The following RANGAP1 variants were observed in gnomAD, a reference collection of about 807,000 sequenced individuals.
RANGAP1 encodes ran GTPase-activating protein 1.
Under a neutral mutation model 63.5 loss-of-function variants are expected in RANGAP1, and 38 were observed. That is an observed-to-expected ratio of 0.60 (90% CI 0.46 to 0.78). The LOEUF (loss-of-function observed/expected upper bound fraction) is 0.78. Ranked by LOEUF, RANGAP1 falls within the 30% of genes least tolerant of loss-of-function variation. The pLI is 0.00. For synonymous variants in RANGAP1, 329 were observed against 310.5 expected, an observed-to-expected ratio of 1.06 and a Z score of -0.63; for missense variants, 630 against 740.3, an observed-to-expected ratio of 0.85 and a Z score of 1.73.
chr22:41,251,140 T>A, intron 12 of RANGAP1, 31 bp from the exon 13 acceptor site: 1 of 1,574,144 alleles, frequency 6.4e-7, no homozygotes, highest in Non-Finnish European at 8.7e-7. Flanking sequence ...GGTTGGCCTG[T>A]GGCACGTGGT....
In RANGAP1 at chr22:41,257,798, T is replaced by C. The variant is rs375159398; in HGVS notation, c.774+150A>G. 134 of 972,454 alleles carry C rather than the reference T, an allele frequency of 1.4e-4. 1 individual carries two copies. In the East Asian group the frequency reaches 2.5e-3, roughly 18 times the overall value. 60.2% of individuals were successfully genotyped at this position (972,454 alleles called of 1,614,324 possible). A position where few individuals can be genotyped will look rare whatever the true frequency, so the allele number is the denominator to read the frequency against. On this transcript the variant is annotated intron_variant, in intron 7 of 15. Transcript: ENST00000356244. This position sits in a 1 kb window ranked among gnomAD's most constrained non-coding sequence, Gnocchi z 4.0. ...GGGACCTGCAACCCTGTTCAGGACATGTTCAAAGAGCTGGAGCCATGGGGC... is the reference window on the plus strand; with the variant it reads ...GGGACCTGCAACCCTGTTCAGGACACGTTCAAAGAGCTGGAGCCATGGGGC...
At chr22:41,259,862 T>C (rs1030189907) in intron 6 of RANGAP1, among the ~76,000 whole-genome samples, 1 of 152,060 alleles carries the variant, frequency 6.6e-6, no homozygotes, top group African/African-American at 2.4e-5. Flanking sequence ...ATTAACTGGG[T>C]GGGCATGGTG....
At chr22:41,253,031 C>T (rs749955549) in intron 11 of RANGAP1, 40 bp from the exon 12 acceptor site, 7 of 1,390,794 alleles carry the variant, frequency 5.0e-6, no homozygotes, top group Non-Finnish European at 5.6e-6. Flanking sequence ...GAATTCCGGA[C>T]CCCAGACTCC....
intron 10 of RANGAP1, 51 bp downstream of exon 10, chr22:41,255,970 A>C: frequency 3.9e-6 from 6 of 1,545,402 alleles, no homozygotes; most frequent in Non-Finnish European, 5.3e-6. Context: ...AAAAGAAAGA[A>C]AGAAAGGAAT....
At chr22:41,250,432 G>A (rs1450437199) in intron 13 of RANGAP1, among the ~76,000 whole-genome samples, 2 of 152,326 alleles carry the variant, frequency 1.3e-5, no homozygotes, top group African/African-American at 2.4e-5. Context: ...CTGCCTAACC[G>A]GAACTGGCTC....
Position 41,271,863 on chromosome 22 carries a change from C to T in RANGAP1, c.240+2737G>A, listed in dbSNP as rs543766859. On this transcript the variant is annotated intron_variant, in intron 3 of 15. Coordinates refer to ENST00000356244, the MANE Select transcript of RANGAP1 (RefSeq NM_002883.4). ...TGGCATCAGCACTACGCCCGGAACA[C>T]TGGGCCATCAAGGGCAGATCCCACC... Among the ~76,000 whole-genome samples the T allele has an allele frequency of 2.0e-5, 3 of 152,334 alleles. No homozygotes were observed. In the South Asian group the frequency reaches 6.2e-4, roughly 32 times the overall value.
chr22:41,249,838 G>A, intron 13 of RANGAP1, 21 bp from the exon 14 acceptor site: 2 of 1,600,732 alleles, frequency 1.2e-6, no homozygotes, highest in Non-Finnish European at 1.7e-6. Context: ...GAAGCAGCAG[G>A]GGCAGGCTGC....
the RANGAP1 span, among the ~76,000 whole-genome samples, chr22:41,295,696 T>TAA: frequency 8.2e-6 from 1 of 122,254 alleles, no homozygotes; most frequent in Admixed American, 8.1e-5. Flanking sequence ...AATGATCAAT[T>TAA]AAAAAAAAAA....
In RANGAP1 at chr22:41,249,900, G is replaced by A; in HGVS notation, c.1484-83C>T. The A allele has an allele frequency of 7.4e-6, 9 of 1,211,398 alleles. No individual in the cohort carries two copies. In the East Asian group the frequency reaches 9.5e-5, roughly 13 times the overall value. 75.0% of individuals were successfully genotyped at this position (1,211,398 alleles called of 1,614,324 possible). ...GCACCCAGGGTTCCCCCAACACCGC[G>A]CAGACACAGGCTCGCCTGCCTCCTC... On this transcript the variant is annotated intron_variant, in intron 13 of 15. Transcript: ENST00000356244.
intron 2 of RANGAP1, 146 bp downstream of exon 2, chr22:41,280,787 G>A: frequency 1.3e-6 from 2 of 1,526,866 alleles, no homozygotes; most frequent in Non-Finnish European, 1.8e-6. Flanking sequence ...GAGCCTCATT[G>A]TTAGAATAGG....
At chr22:41,286,538 C>G (rs1482360507), upstream of RANGAP1, among the ~76,000 whole-genome samples, 1 of 152,242 alleles carries the variant, frequency 6.6e-6, no homozygotes, top group South Asian at 2.1e-4. Flanking sequence ...GTTTTGTTCG[C>G]GTAACTTTGT....
intron 6 of RANGAP1, 119 bp downstream of exon 6, chr22:41,261,327 C>T (rs182877412): frequency 5.5e-6 from 8 of 1,458,426 alleles, no homozygotes; most frequent in Admixed American, 2.0e-5. Flanking sequence ...GGAGAGGGCA[C>T]GTGACGCCCC....
intron 3 of RANGAP1, among the ~76,000 whole-genome samples, chr22:41,270,249 T>C (rs1161031594): frequency 6.6e-6 from 1 of 152,048 alleles, no homozygotes; most frequent in Non-Finnish European, 1.5e-5. Context: ...CAAGTGATTC[T>C]CCTGTCTCAG....
rs1361697401 is a variant in RANGAP1 at position 41,268,009 on chromosome 22, C to G, written c.300+88G>C. The G allele has an allele frequency of 3.7e-6, 5 of 1,357,782 alleles. No homozygotes were observed. The Admixed American group carries it at 1.0e-4, about 27-fold the overall frequency. 84.1% of individuals were successfully genotyped at this position (1,357,782 alleles called of 1,614,324 possible). ...AGTCACCCACAGGGCTAATCTTAGGCTCCAGAAAGAATAAAGCATGAGAAA... is the reference window on the plus strand; with the variant it reads ...AGTCACCCACAGGGCTAATCTTAGGGTCCAGAAAGAATAAAGCATGAGAAA... On this transcript the variant is annotated intron_variant, in intron 4 of 15. Transcript: ENST00000356244.
chr22:41,289,387 C>T (rs765650960), upstream of RANGAP1, among the ~76,000 whole-genome samples: 4 of 151,674 alleles, frequency 2.6e-5, no homozygotes, highest in African/African-American at 7.3e-5. Context: ...TTCGGGAGGG[C>T]GAGGCAGGTG....
At chr22:41,300,793 G>A in the RANGAP1 span, among the ~76,000 whole-genome samples, 2 of 151,312 alleles carry the variant, frequency 1.3e-5, no homozygotes, top group Non-Finnish European at 1.5e-5. Context: ...ATCTAATCAG[G>A]TTCCTCATTT....
chr22:41,275,442 A>C (rs952336922), intron 2 of RANGAP1, among the ~76,000 whole-genome samples: 8 of 151,604 alleles, frequency 5.3e-5, no homozygotes, highest in Non-Finnish European at 1.0e-4. Context: ...CAGTGAGCCG[A>C]GATCATGTCA....
chr22:41,246,393 T>A lies in RANGAP1; in HGVS notation c.*210A>T. The stretch of plus-strand genomic sequence containing the variant: ...AGCAGGGCTGGGCCAGCAGAAGACG[T>A]TAAAACCCAAATCCCGACAGGAGGC... On this transcript the variant is annotated 3_prime_UTR_variant, in exon 16 of 16. Transcript: ENST00000356244. 1.8e-6 allele frequency: 1 copy of A among 540,644 alleles called. No individual in the cohort carries two copies. Among genetic ancestry groups the A allele is most frequent in the Non-Finnish European group, 3.3e-6 (1 of 304,162 alleles). The allele number at this position is 540,644 out of a possible 1,614,324, so 33.5% of individuals were successfully genotyped here.
the RANGAP1 span, among the ~76,000 whole-genome samples, chr22:41,298,293 G>T: frequency 6.6e-6 from 1 of 151,970 alleles, no homozygotes; most frequent in Non-Finnish European, 1.5e-5. Context: ...GAGCCACAGC[G>T]CCTGGCCACA....
Sources: allele counts gnomAD v4.1 joint callset (sites outside exome capture counted in the v4.1 genomes callset), GRCh38; gene constraint gnomAD v4.1.1; non-coding constraint Gnocchi (gnomAD v3.1); transcripts MANE v1.5; gene names NCBI Gene and HGNC (gene_info 2026-07-23, HGNC 2026-07-21).